The following XKR4 variants were observed in gnomAD, a reference collection of about 807,000 sequenced individuals.
XKR4 encodes the protein XK related 4.
Under a neutral mutation model 53.9 loss-of-function variants are expected in XKR4, and 12 were observed. That is an observed-to-expected ratio of 0.22 (90% confidence interval 0.14 to 0.36). The LOEUF is 0.36. Ranked by LOEUF, XKR4 falls within the 10% of genes least tolerant of loss-of-function variation. XKR4 has a pLI of 1.00. For synonymous variants in XKR4, 354 were observed against 362.4 expected (o/e 0.98, Z 0.26); for missense variants, 799 against 859.5 (o/e 0.93, Z 0.88).
intron 2 of XKR4, among the ~76,000 whole-genome samples, chr8:55,379,514 A>G (rs1804201271): frequency 6.6e-6 from 1 of 152,220 alleles, no homozygotes; most frequent in East Asian, 1.9e-4. Flanking sequence ...GGCAAGTCCC[A>G]TGCTGGCTAC....
chr8:55,419,786 C>G (rs2129392258), intron 2 of XKR4, among the ~76,000 whole-genome samples: 1 of 152,280 alleles, frequency 6.6e-6, no homozygotes, highest in East Asian at 1.9e-4. Flanking sequence ...TTTTGTTCAG[C>G]TTGGTTGTCA....
chr8:55,188,354 G>A (rs11990176), intron 1 of XKR4, among the ~76,000 whole-genome samples: 14,861 of 152,096 alleles, frequency 0.098, 1,920 homozygotes, highest in African/African-American at 0.29. Flanking sequence ...ACCAAATTCA[G>A]AGTAATTACT....
chr8:55,368,910 G>A (rs2622559), intron 2 of XKR4, among the ~76,000 whole-genome samples: 13,888 of 152,184 alleles, frequency 0.091, 708 homozygotes, highest in South Asian at 0.12. Context: ...CACAATATAA[G>A]TTCCCCTCCT....
intron 2 of XKR4, among the ~76,000 whole-genome samples, chr8:55,364,933 C>T (rs540411733): frequency 1.3e-5 from 2 of 152,214 alleles, no homozygotes; most frequent in Admixed American, 1.3e-4. Flanking sequence ...ACCAATTTGT[C>T]CTTTTTATTG....
At chr8:55,203,423 T>C (rs994089582) in intron 1 of XKR4, among the ~76,000 whole-genome samples, 6 of 152,212 alleles carry the variant, frequency 3.9e-5, no homozygotes, top group African/African-American at 1.4e-4. Context: ...GAGCTATCCC[T>C]GTGTTTCCCA....
chr8:55,174,608 A>G (rs1817206738), intron 1 of XKR4, among the ~76,000 whole-genome samples: 1 of 152,158 alleles, frequency 6.6e-6, no homozygotes, highest in Admixed American at 6.5e-5. Flanking sequence ...CCCTTCGTCC[A>G]TAGCTGAATG....
At chr8:55,392,529 G>A (rs57860456) in intron 2 of XKR4, among the ~76,000 whole-genome samples, 4,189 of 152,248 alleles carry the variant, frequency 0.028, 174 homozygotes, top group African/African-American at 0.095. Context: ...GGTGGTTCAC[G>A]CCTATAATCC....
intron 2 of XKR4, among the ~76,000 whole-genome samples, chr8:55,440,505 T>C (rs1805248946): frequency 6.6e-6 from 1 of 152,262 alleles, no homozygotes; most frequent in African/African-American, 2.4e-5. Context: ...TGGGCAAATA[T>C]TCTGATTTAG....
intron 2 of XKR4, among the ~76,000 whole-genome samples, chr8:55,407,809 T>C (rs1201816885): frequency 6.6e-6 from 1 of 152,248 alleles, no homozygotes; most frequent in East Asian, 1.9e-4. Context: ...TTTTCTTCCA[T>C]ATGGGGATTT....
intron 1 of XKR4, among the ~76,000 whole-genome samples, chr8:55,220,849 G>T (rs919051490): frequency 4.6e-5 from 7 of 152,186 alleles, no homozygotes; most frequent in Admixed American, 2.0e-4. Context: ...TCTTTTAAAT[G>T]AGGACATTAA....
At chr8:55,311,237 C>T (rs1490205232) in intron 1 of XKR4, among the ~76,000 whole-genome samples, 2 of 152,200 alleles carry the variant, frequency 1.3e-5, no homozygotes, top group African/African-American at 4.8e-5. Flanking sequence ...CTTCCTCTGC[C>T]TTCATGGATG....
Position 55,353,645 on chromosome 8 carries a change from G to A in XKR4, c.807-4033G>A, listed in dbSNP as rs182966609. On this transcript the variant is annotated intron_variant, in intron 1 of 2. Coordinates refer to ENST00000327381, the MANE Select transcript of XKR4 (RefSeq NM_052898.2). ...TACAAACAGGTTGCATATTCATGGA[G>A]TATTCAAGGATGATTGGTGATGATC... Among the ~76,000 whole-genome samples, 545 of 152,334 alleles carry A rather than the reference G, an allele frequency of 3.6e-3. 3 individuals carry two copies. The highest frequency in any genetic ancestry group is 0.017 in the Middle Eastern group (5 of 294).
intron 1 of XKR4, among the ~76,000 whole-genome samples, chr8:55,197,511 ATCTG>A (rs1459537858): frequency 1.3e-5 from 2 of 152,040 alleles, no homozygotes; most frequent in Non-Finnish European, 2.9e-5. Flanking sequence ...TTAAAATGAA[ATCTG>A]TCTAACACCA....
chr8:55,442,576 G>A (rs572717635), intron 2 of XKR4, among the ~76,000 whole-genome samples: 1 of 152,170 alleles, frequency 6.6e-6, no homozygotes, highest in Non-Finnish European at 1.5e-5. Flanking sequence ...AAAAAACCAA[G>A]CATCTGTGGA....
intron 1 of XKR4, among the ~76,000 whole-genome samples, chr8:55,275,398 T>C (rs1452866906): frequency 1.3e-5 from 2 of 152,172 alleles, no homozygotes; most frequent in African/African-American, 4.8e-5. Context: ...TTCAGTTACA[T>C]AGGGAAAAGA....
At chr8:55,188,523 T>A (rs920768285) in intron 1 of XKR4, among the ~76,000 whole-genome samples, 1 of 152,172 alleles carries the variant, frequency 6.6e-6, no homozygotes, top group Non-Finnish European at 1.5e-5. Context: ...GTTCAACAGC[T>A]CCTGTCTCGT....
chr8:55,432,487 C>G (rs1184859283), intron 2 of XKR4, among the ~76,000 whole-genome samples: 1 of 152,158 alleles, frequency 6.6e-6, no homozygotes. Flanking sequence ...CGCCAGTTTG[C>G]CTTTGTCTTC....
intron 1 of XKR4, among the ~76,000 whole-genome samples, chr8:55,267,631 T>C (rs371325507): frequency 6.9e-6 from 1 of 144,808 alleles, no homozygotes; most frequent in African/African-American, 2.5e-5. Context: ...GTGTTAAGGG[T>C]TGTGATAGTT....
chr8:55,186,499 A>G (rs909045276), intron 1 of XKR4, among the ~76,000 whole-genome samples: 1 of 149,936 alleles, frequency 6.7e-6, no homozygotes, highest in Non-Finnish European at 1.5e-5. Flanking sequence ...ACTAAAAATA[A>G]AAAAAAAATA....
Sources: gnomAD v4.1 joint callset for allele counts (sites outside exome capture counted in the v4.1 genomes callset) on GRCh38, gnomAD v4.1.1 for gene constraint, MANE v1.5 for transcripts, NCBI Gene and HGNC (gene_info 2026-07-23, HGNC 2026-07-21) for gene names.